LAT2: variants seen among roughly 807,000 people sequenced by gnomAD.
LAT2 encodes linker for activation of T cells family member 2, also known as linker for activation of T-cells family member 2.
Under a neutral mutation model 43.4 loss-of-function variants are expected in LAT2, and 23 were observed. The observed-to-expected ratio is 0.53, with a 90% CI of 0.38 to 0.75. The LOEUF (loss-of-function observed/expected upper bound fraction) is 0.75, where lower values mean the gene tolerates loss of function less well. Among genes scored for constraint, LAT2 ranks in the 30% least tolerant of loss-of-function variants. The probability of loss-of-function intolerance (pLI) is 0.00; values close to 1 mark genes in which losing one functional copy is unlikely to be tolerated. For synonymous variants in LAT2, 128 were observed against 123.2 expected (o/e 1.04, Z -0.26); for missense variants, 284 against 310.2 (o/e 0.92, Z 0.64).
At position 74,214,806 on chromosome 7, in the gene LAT2, T is replaced by TTG. The variant is rs1801977857; in HGVS notation, c.-218-16_-218-15insTG. On this transcript the variant is annotated splice_polypyrimidine_tract_variant and intron_variant, in intron 1 of 13. Coordinates refer to ENST00000460943, the MANE Select transcript of LAT2 (RefSeq NM_032464.3). ...ATATATATATATTTTTTTTTTTTTT[T>TTG]GTATTTTTTTTGTAGAGATGGAATT... 1 of 115,662 alleles carries TTG rather than the reference T, an allele frequency of 8.6e-6. No homozygotes were observed. Among genetic ancestry groups the TTG allele is most frequent in the East Asian group, 2.3e-4 (1 of 4,438 alleles). 7.2% of individuals were successfully genotyped at this position (115,662 alleles called of 1,614,324 possible). A position where few individuals can be genotyped will look rare whatever the true frequency, so the allele number is the denominator to read the frequency against.
At position 74,214,762 on chromosome 7, in the gene LAT2, AAC is replaced by A. The variant is rs1170155034; in HGVS notation, c.-218-58_-218-57del. ...AAAAATATATAAATATATATATATA[AAC>A]ATATATATATAAATATATATATATA... On this transcript the variant is annotated intron_variant, in intron 1 of 13. Transcript: ENST00000460943. The A allele has an allele frequency of 2.5e-4, 21 of 82,486 alleles. 1 individual carries two copies. Among genetic ancestry groups the A allele is most frequent in the Admixed American group, 2.1e-4 (1 of 4,754 alleles). 5.1% of individuals were successfully genotyped at this position (82,486 alleles called of 1,614,324 possible). A position where few individuals can be genotyped will look rare whatever the true frequency, so the allele number is the denominator to read the frequency against.
intron 4 of LAT2, among the ~76,000 whole-genome samples, chr7:74,219,186 G>T (rs1007170240): frequency 6.6e-6 from 1 of 151,680 alleles, no homozygotes; most frequent in Non-Finnish European, 1.5e-5. Context: ...ACAGGCGCCC[G>T]CCACCGCGCC....
intron 2 of LAT2, among the ~76,000 whole-genome samples, chr7:74,215,508 C>T (rs1353018057): frequency 6.6e-6 from 1 of 152,192 alleles, no homozygotes; most frequent in Non-Finnish European, 1.5e-5. Flanking sequence ...AGGCAACCCA[C>T]TGTGGGTTGA....
At chr7:74,218,965 TG>T (rs1802146485) in intron 4 of LAT2, among the ~76,000 whole-genome samples, 1 of 145,120 alleles carries the variant, frequency 6.9e-6, no homozygotes, top group Middle Eastern at 3.4e-3. Context: ...CCCAAAGCCC[TG>T]GGATTACAGG....
At chr7:74,222,544 TG>T (rs369275605) in intron 10 of LAT2, among the ~76,000 whole-genome samples, 1 of 151,702 alleles carries the variant, frequency 6.6e-6, no homozygotes, top group African/African-American at 2.4e-5. Flanking sequence ...ACCATGGTGT[TG>T]GGGGGTCCTC....
At chr7:74,219,710 A>C in intron 4 of LAT2, 34 bp from the exon 5 acceptor site, 1 of 1,613,714 alleles carries the variant, frequency 6.2e-7, no homozygotes, top group South Asian at 1.1e-5. Flanking sequence ...GTGGGAGTCC[A>C]GGCCCAGGCT....
chr7:74,223,864 T>C, intron 11 of LAT2, 81 bp downstream of exon 11: 1 of 1,513,486 alleles, frequency 6.6e-7, no homozygotes, highest in Non-Finnish European at 9.2e-7. Context: ...TCCCCACTGC[T>C]CAAAGGCCGC....
rs376172171 is a variant in LAT2, at chr7:74,224,742, G to A, written c.732G>A (p.Ter244=). The A allele has an allele frequency of 8.8e-6, 14 of 1,586,990 alleles. No homozygotes were observed. In the South Asian group the frequency reaches 1.5e-4, roughly 17 times the overall value. The change falls in exon 13 of 14, where the codon TAG becomes TAA. Residue 244 remains the stop codon, a stop_retained_variant. Transcript: ENST00000460943. ...VNGEVAATEA[*] The stretch of plus-strand genomic sequence containing the variant: ...GGGAGGTGGCAGCCACAGAAGCCTA[G>A]GGCAGACCAAGAAGAAAGGTACAGC...
Position 74,223,780 on chromosome 7 carries a change from A to G in LAT2, c.445A>G (p.Thr149Ala), listed in dbSNP as rs936509897. Residue 149 changes from threonine (T) to alanine (A), a missense_variant, in exon 11 of 14, where the codon ACA becomes GCA. Coordinates refer to ENST00000460943, the MANE Select transcript of LAT2 (RefSeq NM_032464.3). ...VLICKQKTTE[T>A]GAQQEGIGGL... The stretch of plus-strand genomic sequence containing the variant: ...CATTTGCAAGCAGAAAACCACAGAG[A>G]CAGGTGAGGCTGCCCAGCCAGAGGC... 1.2e-6 allele frequency: 2 copies of G among 1,613,800 alleles called. No individual in the cohort carries two copies. The highest frequency in any genetic ancestry group is 1.1e-5 in the South Asian group (1 of 91,074).
chr7:74,221,542 T>C, intron 9 of LAT2, 95 bp from the exon 10 acceptor site: 2 of 785,878 alleles, frequency 2.5e-6, no homozygotes, highest in South Asian at 4.1e-5. Flanking sequence ...GGAGCAATGG[T>C]GGGAGCAGCC....
In LAT2 at chr7:74,214,935, G is replaced by T. The variant is rs188025942; in HGVS notation, c.-105G>T. On this transcript the variant is annotated 5_prime_UTR_variant, in exon 2 of 14. Coordinates refer to ENST00000460943, the MANE Select transcript of LAT2 (RefSeq NM_032464.3). ...TTATAGGCGTGAGCCACCGCTCCTG[G>T]CCAGGGTCTGTTCCTAGTTGCAACA... The T allele has an allele frequency of 1.3e-5, 2 of 150,768 alleles. No homozygotes were observed. The highest frequency in any genetic ancestry group is 2.0e-4 in the East Asian group (1 of 5,094). The allele number at this position is 150,768 out of a possible 1,614,324, so 9.3% of individuals were successfully genotyped here. A position where few individuals can be genotyped will look rare whatever the true frequency, so the allele number is the denominator to read the frequency against.
At chr7:74,218,499 G>A (rs1554714544) in intron 4 of LAT2, among the ~76,000 whole-genome samples, 1 of 152,142 alleles carries the variant, frequency 6.6e-6, no homozygotes, top group African/African-American at 2.4e-5. Flanking sequence ...CAGCTGGGGT[G>A]CCGGCCCTCA....
chr7:74,228,267 G>C (rs868986930), intron 13 of LAT2, among the ~76,000 whole-genome samples: 1 of 149,142 alleles, frequency 6.7e-6, no homozygotes, highest in African/African-American at 2.5e-5. Flanking sequence ...ACAAGGTCAG[G>C]AGATCGAGAC....
chr7:74,224,307 C>G, intron 12 of LAT2, 110 bp downstream of exon 12: 1 of 1,157,026 alleles, frequency 8.6e-7, no homozygotes, highest in Non-Finnish European at 1.3e-6. Flanking sequence ...CAGCTAACCC[C>G]GCAGTGATGC....
rs1802024732 is a variant in LAT2 at position 74,215,965 on chromosome 7, C to T, written c.-11C>T. The T allele has an allele frequency of 6.2e-7, 1 of 1,613,582 alleles. No individual in the cohort carries two copies. Among genetic ancestry groups the T allele is most frequent in the Admixed American group, 1.7e-5 (1 of 59,996 alleles). The stretch of plus-strand genomic sequence containing the variant: ...ATTTCAGCATCACAAGAGGCAACAC[C>T]AGGAGCCAACATGAGCTCGGGGACT... On this transcript the variant is annotated 5_prime_UTR_variant, in exon 3 of 14. Coordinates refer to ENST00000460943, the MANE Select transcript of LAT2 (RefSeq NM_032464.3).
intron 12 of LAT2, 75 bp from the exon 13 acceptor site, chr7:74,224,564 G>T (rs1802414147): frequency 1.5e-6 from 2 of 1,292,380 alleles, no homozygotes; most frequent in East Asian, 2.5e-5. Flanking sequence ...GAGTCTGGGG[G>T]TCTGAGTCTG....
At position 74,220,802 on chromosome 7, in the gene LAT2, C is replaced by T; in HGVS notation, c.332+68C>T. 1.5e-6 allele frequency: 2 copies of T among 1,355,182 alleles called. No individual in the cohort carries two copies. The highest frequency in any genetic ancestry group is 1.4e-5 in the South Asian group (1 of 69,208). The allele number at this position is 1,355,182 out of a possible 1,614,324, so 83.9% of individuals were successfully genotyped here. ...CTGCCCCACCTCTCCCCCTGCCCCA[C>T]CTCTCCCCCTGCCCCACCTGCCTGC... On this transcript the variant is annotated intron_variant, in intron 9 of 13. Coordinates refer to ENST00000460943, the MANE Select transcript of LAT2 (RefSeq NM_032464.3). This position sits in a 1 kb window ranked among gnomAD's most constrained non-coding sequence, Gnocchi z 4.5.
At position 74,220,313 on chromosome 7, in the gene LAT2, G is replaced by A. The variant is rs1041978593; in HGVS notation, c.265+59G>A. 1.2e-5 allele frequency: 18 copies of A among 1,561,542 alleles called. No homozygotes were observed. Among genetic ancestry groups the A allele is most frequent in the South Asian group, 8.1e-5 (7 of 86,434 alleles). ...TAGCCAAGCTGGGACTAAGACAGGC[G>A]AAAACCCCATGGGACAGGCGTCGTG... On this transcript the variant is annotated intron_variant, in intron 7 of 13. Coordinates refer to ENST00000460943, the MANE Select transcript of LAT2 (RefSeq NM_032464.3). This position sits in a 1 kb window ranked among gnomAD's most constrained non-coding sequence, Gnocchi z 4.5.
intron 1 of LAT2, among the ~76,000 whole-genome samples, chr7:74,213,501 T>C (rs1758163440): frequency 6.9e-6 from 1 of 145,644 alleles, no homozygotes; most frequent in Non-Finnish European, 1.5e-5. Flanking sequence ...CTCGGCCCAC[T>C]GCAACCTCCA....
Sources: gnomAD v4.1 joint callset for allele counts (sites outside exome capture counted in the v4.1 genomes callset) on GRCh38, gnomAD v4.1.1 for gene constraint, Gnocchi (gnomAD v3.1) non-coding constraint, MANE v1.5 for transcripts, NCBI Gene and HGNC (gene_info 2026-07-23, HGNC 2026-07-21) for gene names.